MYSM1: variants seen among roughly 807,000 people sequenced by gnomAD.
MYSM1 encodes the protein deubiquitinase MYSM1.
MYSM1 carries 51 observed loss-of-function variants against 116.0 expected under a neutral mutation model. The ratio of observed to expected loss-of-function variants is 0.44; its 90% CI spans 0.35 to 0.56. MYSM1 has a LOEUF of 0.56. Among genes scored for constraint, MYSM1 ranks in the 20% least tolerant of loss-of-function variants. MYSM1 has a pLI of 0.00. For synonymous variants in MYSM1, 313 were observed against 315.2 expected, an observed-to-expected ratio of 0.99 and a Z score of 0.07; for missense variants, 900 against 974.9, an observed-to-expected ratio of 0.92 and a Z score of 1.02.
Position 58,699,908 on chromosome 1 carries a change from C to A in MYSM1, c.68+77G>T, listed in dbSNP as rs1339617640. ...TTCTGTTCCCTTTTCCCTTGCCGGA[C>A]CTGCAGCTTTCCCAGGGCCCGCTCC... On this transcript the variant is annotated intron_variant, in intron 1 of 19. Coordinates refer to ENST00000472487, the MANE Select transcript of MYSM1 (RefSeq NM_001085487.3). 5 of 1,601,534 alleles carry A rather than the reference C, an allele frequency of 3.1e-6. No homozygotes were observed. The East Asian group carries it at 1.1e-4, about 36-fold the overall frequency.
At chr1:58,693,128 A>G (rs1027142215) in intron 2 of MYSM1, among the ~76,000 whole-genome samples, 197 bp from the exon 3 acceptor site, 2 of 152,244 alleles carry the variant, frequency 1.3e-5, no homozygotes, top group East Asian at 3.8e-4. Context: ...CAGCACTACT[A>G]GCATTTTAAG....
intron 2 of MYSM1, among the ~76,000 whole-genome samples, chr1:58,693,757 C>T (rs911798274): frequency 2.6e-5 from 4 of 152,204 alleles, no homozygotes; most frequent in African/African-American, 9.6e-5. Context: ...TCCACTCTTA[C>T]TTCCCTCCAA....
At chr1:58,670,331 T>C (rs1165412811) in intron 12 of MYSM1, among the ~76,000 whole-genome samples, 1 of 152,176 alleles carries the variant, frequency 6.6e-6, no homozygotes, top group Non-Finnish European at 1.5e-5. Flanking sequence ...TCAGTGTTTG[T>C]TGAGGAACTG....
rs370237764 is a variant in MYSM1, at chr1:58,699,992, G to T, written c.61C>A (p.Gln21Lys). The change falls in exon 1 of 20, where the codon CAG becomes AAG. Residue 21 changes from glutamine to lysine, a missense_variant. Coordinates refer to ENST00000472487, the MANE Select transcript of MYSM1 (RefSeq NM_001085487.3). ...CCGGTCTCTAAGCCTCACCCTGGCTGTGCCCCCGCCGCCGCTACCACGTCC... is the reference window on the plus strand; with the variant it reads ...CCGGTCTCTAAGCCTCACCCTGGCTTTGCCCCCGCCGCCGCTACCACGTCC... ...EGDVVAAAGA[Q>K]PGSGENTASV... 1.2e-6 allele frequency: 2 copies of T among 1,613,316 alleles called. No homozygotes were observed. Among genetic ancestry groups the T allele is most frequent in the East Asian group, 2.2e-5 (1 of 44,884 alleles).
At chr1:58,693,845 A>G (rs1644935783) in intron 2 of MYSM1, among the ~76,000 whole-genome samples, 1 of 152,206 alleles carries the variant, frequency 6.6e-6, no homozygotes, top group African/African-American at 2.4e-5. Flanking sequence ...AAATGTTTCA[A>G]TGATGTCCCA....
At chr1:58,663,164 C>T (rs1644419448) in intron 17 of MYSM1, among the ~76,000 whole-genome samples, 1 of 152,096 alleles carries the variant, frequency 6.6e-6, no homozygotes, top group African/African-American at 2.4e-5. Context: ...GACTCCTACT[C>T]TCAATGAAAG....
chr1:58,667,328 G>A (rs988647764), intron 15 of MYSM1, 102 bp from the exon 16 acceptor site: 4 of 857,450 alleles, frequency 4.7e-6, no homozygotes, highest in Admixed American at 3.6e-5. Flanking sequence ...TCAAGGCCAA[G>A]ACTTTTATTT....
rs1176735746 is a variant in MYSM1, at chr1:58,681,944, T to A, written c.1100A>T (p.His367Leu). The A allele has an allele frequency of 6.2e-7, 1 of 1,614,044 alleles. No individual in the cohort carries two copies. Among genetic ancestry groups the A allele is most frequent in the Non-Finnish European group, 8.5e-7 (1 of 1,180,036 alleles). Residue 367 changes from histidine (H) to leucine (L), a missense_variant, in exon 8 of 20, where the codon CAT becomes CTT. Physicochemically the swap from His to Leu is moderately conservative, Grantham distance 99 (BLOSUM62 -3). Coordinates refer to ENST00000472487, the MANE Select transcript of MYSM1 (RefSeq NM_001085487.3). ...TGGTGGCTTAAGCTCTTCTTCCTCA[T>A]GGCTTTCCTCTACCATTTGGCAAGA... ...FHSCQMVEESHEEEELKPPEQ... is the reference protein window; with the variant it reads ...FHSCQMVEESLEEEELKPPEQ...
At chr1:58,671,179 TC>T (rs536894443) in intron 12 of MYSM1, among the ~76,000 whole-genome samples, 69 of 152,286 alleles carry the variant, frequency 4.5e-4, no homozygotes, top group Admixed American at 9.2e-4. Context: ...CTCAGTTTCC[TC>T]ATCTATAAAA....
rs375339395 is a variant in MYSM1 at position 58,700,023 on chromosome 1, G to A, written c.30C>T (p.Ile10=). Residue 10 remains isoleucine (I), a synonymous_variant, in exon 1 of 20, where the codon ATC becomes ATT. Coordinates refer to ENST00000472487, the MANE Select transcript of MYSM1 (RefSeq NM_001085487.3). ...CCGCCGCCGCTACCACGTCCCCTTC[G>A]ATATCCACATCCGCCTCTTCAGCCG... MAAEEADVD[I]EGDVVAAAGA... The A allele has an allele frequency of 6.3e-4, 1,019 of 1,613,608 alleles. No homozygotes were observed. Among genetic ancestry groups the A allele is most frequent in the Non-Finnish European group, 8.1e-4 (959 of 1,179,988 alleles).
intron 5 of MYSM1, 84 bp downstream of exon 5, chr1:58,690,142 A>C: frequency 6.0e-5 from 64 of 1,075,400 alleles, no homozygotes; most frequent in Non-Finnish European, 7.9e-5. Flanking sequence ...GCTTTTCCAC[A>C]GGCCAACTAT....
In MYSM1 at chr1:58,658,531, C is replaced by T. The variant is rs960660022; in HGVS notation, c.*1466G>A. 6.6e-6 allele frequency: 1 copy of T among 152,092 alleles called. No homozygotes were observed. Among genetic ancestry groups the T allele is most frequent in the African/African-American group, 2.4e-5 (1 of 41,414 alleles). The allele number at this position is 152,092 out of a possible 1,614,324, so 9.4% of individuals were successfully genotyped here. ...ATCTCCCCAAATCACAAAGTTGAGA[C>T]AAGAACCAGGTCACCTAAAGCTGAC... On this transcript the variant is annotated 3_prime_UTR_variant, in exon 20 of 20. Coordinates refer to ENST00000472487, the MANE Select transcript of MYSM1 (RefSeq NM_001085487.3).
rs1413232561 is a variant in MYSM1, at chr1:58,656,886, C to T, written c.*3111G>A. 1.3e-5 allele frequency: 2 copies of T among 152,082 alleles called. No individual in the cohort carries two copies. The highest frequency in any genetic ancestry group is 2.9e-5 in the Non-Finnish European group (2 of 68,012). The allele number at this position is 152,082 out of a possible 1,614,324, so 9.4% of individuals were successfully genotyped here. The stretch of plus-strand genomic sequence containing the variant: ...GAACTTCTAAACAAAATGTTTTAAT[C>T]TAAAATATTAATACATTCATTTCAT... On this transcript the variant is annotated 3_prime_UTR_variant, in exon 20 of 20. Transcript: ENST00000472487.
At chr1:58,665,385 G>A in intron 17 of MYSM1, 114 bp downstream of exon 17, 1 of 793,410 alleles carries the variant, frequency 1.3e-6, no homozygotes, top group Non-Finnish European at 2.0e-6. Context: ...TTCCCTAGTT[G>A]AGGGCACAAA....
intron 12 of MYSM1, 85 bp from the exon 13 acceptor site, chr1:58,669,123 TA>T: frequency 4.1e-6 from 4 of 986,494 alleles, no homozygotes; most frequent in Non-Finnish European, 5.9e-6. Context: ...TGTATATCAA[TA>T]ATCTAAACCC....
intron 14 of MYSM1, 117 bp downstream of exon 14, chr1:58,668,515 A>C: frequency 7.2e-7 from 1 of 1,388,308 alleles, no homozygotes; most frequent in Non-Finnish European, 9.3e-7. Context: ...ATTCCTTGTA[A>C]AAGAGGACAG....
intron 2 of MYSM1, 136 bp downstream of exon 2, chr1:58,694,993 C>A (rs1191655256): frequency 2.3e-6 from 1 of 425,544 alleles, no homozygotes. Flanking sequence ...AAAAAAAATT[C>A]TAAATTTCTA....
chr1:58,666,096 C>G (rs1644465686), intron 16 of MYSM1, among the ~76,000 whole-genome samples: 2 of 151,758 alleles, frequency 1.3e-5, no homozygotes, highest in Admixed American at 1.3e-4. Flanking sequence ...GCAACTAAAT[C>G]AAATGCCTTA....
At chr1:58,677,574 C>G (rs1644673516) in intron 8 of MYSM1, among the ~76,000 whole-genome samples, 1 of 151,872 alleles carries the variant, frequency 6.6e-6, no homozygotes, top group African/African-American at 2.4e-5. Flanking sequence ...CAGTGGAAAA[C>G]AGAAACAGAC....
Sources: allele counts gnomAD v4.1 joint callset (sites outside exome capture counted in the v4.1 genomes callset), GRCh38; gene constraint gnomAD v4.1.1; transcripts MANE v1.5; gene names NCBI Gene and HGNC (gene_info 2026-07-23, HGNC 2026-07-21).